COL6A2: variants seen among roughly 807,000 people sequenced by gnomAD.
COL6A2 encodes the protein collagen alpha-2(VI) chain.
Under a neutral mutation model 124.9 loss-of-function variants are expected in COL6A2, and 90 were observed. The observed-to-expected ratio is 0.72, with a 90% CI of 0.61 to 0.86. The LOEUF is 0.86. Ranked by LOEUF, COL6A2 falls within the 40% of genes least tolerant of loss-of-function variation. The pLI, the probability that COL6A2 is intolerant of heterozygous loss-of-function variation, is 0.00. For synonymous variants in COL6A2, 793 were observed against 618.2 expected (o/e 1.28, Z -4.19); for missense variants, 1,607 against 1,502.5 (o/e 1.07, Z -1.15).
At chr21:46,102,780 C>T (rs977443168) in intron 1 of COL6A2, among the ~76,000 whole-genome samples, 6 of 151,654 alleles carry the variant, frequency 4.0e-5, no homozygotes, top group African/African-American at 1.5e-4. Context: ...CATTAAATTC[C>T]ATTTAATTGC....
At chr21:46,123,012 C>T (rs1490962151) in intron 21 of COL6A2, 75 bp downstream of exon 21, 6 of 1,391,740 alleles carry the variant, frequency 4.3e-6, no homozygotes, top group African/African-American at 1.4e-5. Flanking sequence ...GCGTGTGCAT[C>T]TATGAGTACA....
At chr21:46,120,380 G>A in intron 15 of COL6A2, 135 bp from the exon 16 acceptor site, 1 of 688,308 alleles carries the variant, frequency 1.5e-6, no homozygotes, top group Non-Finnish European at 2.5e-6. Flanking sequence ...GGCGACTGTT[G>A]CAGGTCCCCC....
At chr21:46,121,489 T>G in intron 17 of COL6A2, 67 bp from the exon 18 acceptor site, 1 of 1,498,036 alleles carries the variant, frequency 6.7e-7, no homozygotes, top group Non-Finnish European at 9.3e-7. Flanking sequence ...ACGGGGCATG[T>G]CAGGTGACCC....
In COL6A2 at chr21:46,119,139, G is replaced by A. The variant is rs908540180; in HGVS notation, c.1269+20G>A. On this transcript the variant is annotated intron_variant, in intron 14 of 27. Coordinates refer to ENST00000300527, the MANE Select transcript of COL6A2 (RefSeq NM_001849.4). ...GAGCCGGTGAGTCCCTCCTGCCCCT[G>A]CCTCAGGGCCCCGCTCTGGGCATCC... 3 of 1,589,078 alleles carry A rather than the reference G, an allele frequency of 1.9e-6. No homozygotes were observed. The highest frequency in any genetic ancestry group is 2.6e-6 in the Non-Finnish European group (3 of 1,161,488).
chr21:46,129,156 A>G, intron 27 of COL6A2: 1 of 1,612,038 alleles, frequency 6.2e-7, no homozygotes, highest in Non-Finnish European at 8.5e-7. Flanking sequence ...GCCGACGCCC[A>G]CCGCAGGCCT....
At chr21:46,128,582 A>T (rs2078710181) in intron 27 of COL6A2, among the ~76,000 whole-genome samples, 1 of 152,136 alleles carries the variant, frequency 6.6e-6, no homozygotes, top group South Asian at 2.1e-4. Flanking sequence ...TTGCGTGGGG[A>T]CCAGAGGGTG....
rs921924658 is a variant in COL6A2, at chr21:46,112,427, C to T, written c.564C>T (p.Phe188=). ...ERAREEGIRL[F]AVAPNQNLKE... ...CCCGCGAGGAGGGCATCCGGCTCTT[C>T]GCCGTGGCCCCCAACCAGAACCTGA... The change falls in exon 3 of 28, where the codon TTC becomes TTT. Residue 188 remains phenylalanine, a synonymous_variant. Transcript: ENST00000300527. 43 of 1,609,142 alleles carry T rather than the reference C, an allele frequency of 2.7e-5. No individual in the cohort carries two copies. Among genetic ancestry groups the T allele is most frequent in the Non-Finnish European group, 3.2e-5 (38 of 1,179,504 alleles).
At position 46,125,578 on chromosome 21, in the gene COL6A2, A is replaced by G; in HGVS notation, c.1930A>G (p.Arg644Gly). ...EKNFVINVVN[R>G]LGAIAKDPKS... ...GAACTTCGTCATCAACGTGGTCAAC[A>G]GGCTGGGTGCCATCGCTAAGGACCC... The change falls in exon 25 of 28, where the codon AGG becomes GGG. Residue 644 changes from arginine (R) to glycine (G), a missense_variant. Physicochemically the swap from Arg to Gly is moderately radical, Grantham distance 125. Around this residue, in one of 3 missense-constraint regions of COL6A2, gnomAD observed 1,223 missense variants for 1,052.2 expected, o/e 1.16. Transcript: ENST00000300527. The G allele has an allele frequency of 5.0e-6, 8 of 1,606,498 alleles. No homozygotes were observed. Among genetic ancestry groups the G allele is most frequent in the Non-Finnish European group, 6.8e-6 (8 of 1,176,686 alleles).
chr21:46,127,046 G>A (rs1404661693), intron 27 of COL6A2, among the ~76,000 whole-genome samples: 1 of 152,200 alleles, frequency 6.6e-6, no homozygotes, highest in East Asian at 1.9e-4. Context: ...CCATGTCCCG[G>A]ATGTGGCCCA....
chr21:46,108,106 A>ATT (rs57568187), intron 1 of COL6A2, among the ~76,000 whole-genome samples: 3 of 105,992 alleles, frequency 2.8e-5, no homozygotes, highest in African/African-American at 4.2e-5. Flanking sequence ...ATATATATAT[A>ATT]TTTTTTTTTC....
chr21:46,112,518 A>C lies in COL6A2; in HGVS notation c.655A>C (p.Met219Leu). ...GCTCTACCGCAACGACTACGCCACC[A>C]TGCTGCCCGACTCCACCGAGATCGA... ...HELYRNDYAT[M>L]LPDSTEIDQD... Residue 219 changes from methionine to leucine, a missense_variant, in exon 3 of 28, where the codon ATG becomes CTG. Physicochemically the swap from Met to Leu is conservative, Grantham distance 15. Transcript: ENST00000300527. 6.2e-7 allele frequency: 1 copy of C among 1,611,782 alleles called. No homozygotes were observed. Among genetic ancestry groups the C allele is most frequent in the Non-Finnish European group, 8.5e-7 (1 of 1,179,770 alleles).
chr21:46,120,676 T>A, intron 16 of COL6A2, 99 bp downstream of exon 16: 1 of 1,189,462 alleles, frequency 8.4e-7, no homozygotes, highest in Non-Finnish European at 1.2e-6. Context: ...CACCCCAAGG[T>A]AGGGGACCCG....
chr21:46,130,018 C>T (rs976487879), intron 27 of COL6A2, among the ~76,000 whole-genome samples: 9 of 152,134 alleles, frequency 5.9e-5, no homozygotes, highest in East Asian at 1.9e-4. Context: ...TGGTGAGCCT[C>T]GCTGGGTGTG....
At chr21:46,126,737 C>T (rs537551592) in intron 27 of COL6A2, among the ~76,000 whole-genome samples, 196 bp downstream of exon 27, 6 of 152,310 alleles carry the variant, frequency 3.9e-5, no homozygotes, top group East Asian at 3.9e-4. Flanking sequence ...GGCAGGCTCC[C>T]AGGAACGCAG....
rs771865715 is a variant in COL6A2, at chr21:46,114,054, A to G, written c.782A>G (p.Lys261Arg). The G allele has an allele frequency of 7.4e-6, 12 of 1,613,492 alleles. No homozygotes were observed. The highest frequency in any genetic ancestry group is 2.2e-5 in the South Asian group (2 of 91,092). ...CLEIPGPSGP[K>R]GYRGQKGAKG... ...GAAATCCCTGGGCCCTCTGGCCCCA[A>G]GGGCTACCGTGGACAGAAGGTAAGA... is the stretch of plus-strand genomic sequence containing the variant. The change falls in exon 5 of 28, where the codon AAG becomes AGG. Residue 261 changes from lysine (K) to arginine (R), a missense_variant. Physicochemically the swap from Lys to Arg is conservative, Grantham distance 26. Transcript: ENST00000300527.
chr21:46,100,844 A>G (rs2078281094), intron 1 of COL6A2, among the ~76,000 whole-genome samples: 1 of 152,192 alleles, frequency 6.6e-6, no homozygotes, highest in Admixed American at 6.5e-5. Context: ...GCTACTGTGA[A>G]TGATGTGGCC....
rs755173689 is a variant in COL6A2, at chr21:46,132,096, G to GGAC, written c.2611_2613dup (p.Asp871dup). On this transcript the variant is annotated inframe_insertion, in exon 28 of 28. Coordinates refer to ENST00000300527, the MANE Select transcript of COL6A2 (RefSeq NM_001849.4). ...CGCGGCGGCTGACGCTGGCCCGGAG[G>GGAC]GACGACGACCCTCTCAACGCACGCG... 6.3e-7 allele frequency: 1 copy of GGAC among 1,595,790 alleles called. No individual in the cohort carries two copies. The highest frequency in any genetic ancestry group is 8.5e-7 in the Non-Finnish European group (1 of 1,173,952).
intron 5 of COL6A2, 130 bp from the exon 6 acceptor site, chr21:46,115,742 A>G: frequency 1.2e-6 from 1 of 838,294 alleles, no homozygotes; most frequent in Non-Finnish European, 2.0e-6. Context: ...GCTGACACCA[A>G]GACTTCTCCA....
intron 1 of COL6A2, among the ~76,000 whole-genome samples, chr21:46,104,711 CAA>C (rs2078319551): frequency 6.6e-6 from 1 of 152,178 alleles, no homozygotes; most frequent in African/African-American, 2.4e-5. Flanking sequence ...AGGATGAACT[CAA>C]AGAGACCCAC....
Sources: allele counts gnomAD v4.1 joint callset (sites outside exome capture counted in the v4.1 genomes callset), GRCh38; gene constraint gnomAD v4.1.1; regional missense constraint gnomAD v4.1.1; transcripts MANE v1.5; gene names NCBI Gene and HGNC (gene_info 2026-07-23, HGNC 2026-07-21).